Variants in CLNK observed in about 807,000 individuals in gnomAD.
The protein encoded by CLNK is cytokine dependent hematopoietic cell linker.
Under a neutral mutation model 68.6 loss-of-function variants are expected in CLNK, and 74 were observed. That is an observed-to-expected ratio of 1.08 (90% CI 0.89 to 1.31). The LOEUF is 1.31. Among genes scored for constraint, CLNK ranks in the 50% most tolerant of loss-of-function variants. CLNK has a pLI of 0.00. For missense variants in CLNK, 553 were observed against 515.3 expected (o/e 1.07, Z -0.71); for synonymous variants, 198 against 172.2 (o/e 1.15, Z -1.17).
At chr4:10,669,272 C>T (rs35247283) in intron 1 of CLNK, among the ~76,000 whole-genome samples, 35,687 of 152,180 alleles carry the variant, frequency 0.23, 4,838 homozygotes, top group Non-Finnish European at 0.31. Flanking sequence ...TGCATCCCTC[C>T]GTGACATCCC....
chr4:10,582,054 T>C (rs1304521109), intron 4 of CLNK, among the ~76,000 whole-genome samples: 4 of 152,254 alleles, frequency 2.6e-5, no homozygotes, highest in Non-Finnish European at 4.4e-5. Context: ...GATTTTTAAC[T>C]ATTGTAATTG....
At chr4:10,733,137 T>G in the CLNK span, among the ~76,000 whole-genome samples, 1 of 152,036 alleles carries the variant, frequency 6.6e-6, no homozygotes, top group Non-Finnish European at 1.5e-5. Flanking sequence ...TATCCCCAGG[T>G]GATAGCCACA....
Position 10,490,321 on chromosome 4 carries a change from A to G in CLNK, c.*146T>C. The G allele has an allele frequency of 1.5e-6, 1 of 669,136 alleles. No individual in the cohort carries two copies. 41.4% of individuals were successfully genotyped at this position (669,136 alleles called of 1,614,324 possible). Reference sequence around the variant, plus strand: ...GTTTGAACTTTCAAAACCGTGAGTGATTTTCCACTCTCTGTTATAGAGTGT... The same window carrying G: ...GTTTGAACTTTCAAAACCGTGAGTGGTTTTCCACTCTCTGTTATAGAGTGT... On this transcript the variant is annotated 3_prime_UTR_variant, in exon 19 of 19. Coordinates refer to ENST00000226951, the MANE Select transcript of CLNK (RefSeq NM_052964.4).
intron 17 of CLNK, among the ~76,000 whole-genome samples, chr4:10,503,883 A>G (rs1157505998): frequency 2.9e-5 from 4 of 136,368 alleles, no homozygotes; most frequent in African/African-American, 1.1e-4. Flanking sequence ...CCAGGGTTAA[A>G]GTGATTCTCC....
chr4:10,649,562 C>A (rs1723647365), intron 2 of CLNK, among the ~76,000 whole-genome samples: 1 of 152,046 alleles, frequency 6.6e-6, no homozygotes, highest in Non-Finnish European at 1.5e-5. Context: ...AGGAGGCCCA[C>A]CTGTGTGTAA....
At chr4:10,542,858 A>AT (rs1414720761) in intron 8 of CLNK, among the ~76,000 whole-genome samples, 1 of 152,076 alleles carries the variant, frequency 6.6e-6, no homozygotes, top group African/African-American at 2.4e-5. Flanking sequence ...AGGTGGGATA[A>AT]TTTCTCAAGG....
intron 2 of CLNK, among the ~76,000 whole-genome samples, chr4:10,635,487 C>A (rs554390488): frequency 6.6e-6 from 1 of 152,208 alleles, no homozygotes; most frequent in East Asian, 1.9e-4. Context: ...AGTATATTCT[C>A]CCAGTGATAT....
At chr4:10,666,810 A>C (rs1724414679) in intron 2 of CLNK, among the ~76,000 whole-genome samples, 2 of 152,196 alleles carry the variant, frequency 1.3e-5, no homozygotes, top group African/African-American at 2.4e-5. Flanking sequence ...CAGAAGCTCC[A>C]GCCTTCCCAT....
At chr4:10,652,889 C>G (rs1359260172) in intron 2 of CLNK, among the ~76,000 whole-genome samples, 1 of 152,152 alleles carries the variant, frequency 6.6e-6, no homozygotes, top group Non-Finnish European at 1.5e-5. Context: ...GACACATGCA[C>G]ATGTATGTTT....
chr4:10,695,557 A>G, the CLNK span, among the ~76,000 whole-genome samples: 3 of 152,130 alleles, frequency 2.0e-5, no homozygotes, highest in African/African-American at 7.2e-5. Flanking sequence ...CTTCTCTTTA[A>G]CCCTGTCCTG....
chr4:10,501,324 T>C lies in CLNK; in HGVS notation c.1072A>G (p.Asn358Asp), dbSNP rs1717038797. Residue 358 changes from asparagine to aspartate, a missense_variant, in exon 18 of 19, where the codon AAT (asparagine) becomes GAT (aspartate). Physicochemically the swap from Asn to Asp is conservative, Grantham distance 23. Coordinates refer to ENST00000226951, the MANE Select transcript of CLNK (RefSeq NM_052964.4). ...LAVFYENKVY[N>D]VKIRFLERNQ... ...CTCTCCAGGAAGCGTATTTTTACAT[T>C]GTAGACTTTGTTCTCATAAAACACA... 4 of 1,609,414 alleles carry C rather than the reference T, an allele frequency of 2.5e-6. No individual in the cohort carries two copies. Among genetic ancestry groups the C allele is most frequent in the African/African-American group, 2.7e-5 (2 of 74,624 alleles).
At chr4:10,647,833 A>G (rs541934240) in intron 2 of CLNK, among the ~76,000 whole-genome samples, 3 of 152,318 alleles carry the variant, frequency 2.0e-5, no homozygotes, top group African/African-American at 7.2e-5. Flanking sequence ...TGCAAGACCG[A>G]TAAACATAGA....
intron 10 of CLNK, among the ~76,000 whole-genome samples, chr4:10,541,231 A>C (rs992820280): frequency 6.6e-6 from 1 of 151,700 alleles, no homozygotes; most frequent in Admixed American, 6.6e-5. Flanking sequence ...ACAAAAAAAA[A>C]AAAACCCAAT....
At chr4:10,569,110 A>G (rs946980446) in intron 5 of CLNK, among the ~76,000 whole-genome samples, 1 of 151,972 alleles carries the variant, frequency 6.6e-6, no homozygotes, top group African/African-American at 2.4e-5. Flanking sequence ...AATTTAGGTA[A>G]AATGTATAGT....
intron 14 of CLNK, among the ~76,000 whole-genome samples, chr4:10,523,403 C>G (rs985715469): frequency 2.0e-5 from 3 of 152,240 alleles, no homozygotes; most frequent in African/African-American, 7.2e-5. Flanking sequence ...TGGGAATTAT[C>G]AACATGGGGT....
chr4:10,700,369 C>CT, the CLNK span, among the ~76,000 whole-genome samples: 1 of 152,168 alleles, frequency 6.6e-6, no homozygotes, highest in Middle Eastern at 3.2e-3. Context: ...CAAAGCCTGT[C>CT]TAACTCCAAA....
At chr4:10,661,675 A>G (rs942623979) in intron 2 of CLNK, among the ~76,000 whole-genome samples, 1 of 152,224 alleles carries the variant, frequency 6.6e-6, no homozygotes, top group Admixed American at 6.5e-5. Flanking sequence ...TAGACACTGC[A>G]TTCAAGTGAG....
Position 10,513,485 on chromosome 4 carries a change from G to A in CLNK, c.885C>T (p.Phe295=), listed in dbSNP as rs201306121. ...TTACCTTTCTATCAGACCTTTTGGG[G>A]AAAGGTGGTCTCCAGCTTGTGTATT... ...PYKYTSWRPP[F]PKRSDRKDVQ... Residue 295 remains phenylalanine, a synonymous_variant, in exon 16 of 19, where the codon TTC becomes TTT. Coordinates refer to ENST00000226951, the MANE Select transcript of CLNK (RefSeq NM_052964.4). 31 of 1,611,756 alleles carry A rather than the reference G, an allele frequency of 1.9e-5. No individual in the cohort carries two copies. In the African/African-American group the frequency reaches 3.3e-4, roughly 17 times the overall value.
the CLNK span, among the ~76,000 whole-genome samples, chr4:10,706,308 C>T: frequency 8.5e-5 from 13 of 152,150 alleles, no homozygotes; most frequent in African/African-American, 3.1e-4. Flanking sequence ...GCTGCTATTA[C>T]TATAAATTTA....
Sources: allele counts gnomAD v4.1 joint callset (sites outside exome capture counted in the v4.1 genomes callset), GRCh38; gene constraint gnomAD v4.1.1; transcripts MANE v1.5; gene names NCBI Gene and HGNC (gene_info 2026-07-23, HGNC 2026-07-21).